The following LRPPRC variants were observed in gnomAD, a reference collection of about 807,000 sequenced individuals.
The protein encoded by LRPPRC is leucine-rich PPR motif-containing protein, mitochondrial.
Under a neutral mutation model 180.3 loss-of-function variants are expected in LRPPRC, and 120 were observed. The observed-to-expected ratio is 0.67, with a 90% CI of 0.57 to 0.77. The LOEUF (loss-of-function observed/expected upper bound fraction) is 0.77, where lower values mean the gene tolerates loss of function less well. LRPPRC is among the 30% of genes least tolerant of loss of function. LRPPRC has a pLI of 0.00. For missense variants in LRPPRC, 2,012 were observed against 1,657.2 expected, an observed-to-expected ratio of 1.21 and a Z score of -3.72; for synonymous variants, 723 against 600.0, an observed-to-expected ratio of 1.21 and a Z score of -3.00.
Position 43,889,796 on chromosome 2 carries a change from G to T in LRPPRC, c.4066C>A (p.Leu1356Ile), listed in dbSNP as rs775360011. ...AKNTKLDDLF[L>I]KRYASLLKYA... is the part of the protein sequence containing the mutation. ...TTCAGCAAAGATGCGTAACGCTTTA[G>T]AAACAGATCATCCAATTTTGTATTC... Residue 1356 changes from leucine (L) to isoleucine (I), a missense_variant, in exon 37 of 38, where the codon CTA becomes ATA. Leu to Ile is a conservative substitution (Grantham distance 5). Coordinates refer to ENST00000260665, the MANE Select transcript of LRPPRC (RefSeq NM_133259.4). 1 of 1,611,266 alleles carries T rather than the reference G, an allele frequency of 6.2e-7. No individual in the cohort carries two copies.
At position 43,973,681 on chromosome 2, in the gene LRPPRC, T is replaced by C. The variant is rs144732922; in HGVS notation, c.1295A>G (p.Glu432Gly). 1.9e-4 allele frequency: 309 copies of C among 1,613,978 alleles called. No individual in the cohort carries two copies. The African/African-American group carries it at 2.6e-3, about 14-fold the overall frequency. Residue 432 changes from glutamate (E) to glycine (G), a missense_variant, in exon 11 of 38, where the codon GAG becomes GGG. Coordinates refer to ENST00000260665, the MANE Select transcript of LRPPRC (RefSeq NM_133259.4). Reference sequence around the variant, plus strand: ...GTGAGGTCTGATAGGAAAACCTTCCTCCTTCACAGCCTTCATTAAGGCTTT... The same window carrying C: ...GTGAGGTCTGATAGGAAAACCTTCCCCCTTCACAGCCTTCATTAAGGCTTT... ...LAKALMKAVK[E>G]EGFPIRPHYF...
intron 2 of LRPPRC, among the ~76,000 whole-genome samples, chr2:43,980,174 T>C (rs946503274): frequency 1.2e-4 from 19 of 152,208 alleles, no homozygotes; most frequent in African/African-American, 3.6e-4. Flanking sequence ...ATAAAATCTA[T>C]GTAATCTGCA....
chr2:43,890,637 C>T (rs1265163868), intron 36 of LRPPRC, among the ~76,000 whole-genome samples: 9 of 152,130 alleles, frequency 5.9e-5, no homozygotes, highest in African/African-American at 1.7e-4. Context: ...GGTGTGAACC[C>T]GGGAGGTGGA....
In LRPPRC at chr2:43,995,933, C is replaced by T. The variant is rs1015613805; in HGVS notation, c.15G>A (p.Leu5=). 1.2e-5 allele frequency: 19 copies of T among 1,525,030 alleles called. No individual in the cohort carries two copies. The African/African-American group carries it at 2.1e-4, about 17-fold the overall frequency. 94.5% of individuals were successfully genotyped at this position (1,525,030 alleles called of 1,614,324 possible). ...CACGCAGCAACCAACGCGCGGATCTCAGCAGGGCTGCCATTGCTCGAACGT... is the reference window on the plus strand; with the variant it reads ...CACGCAGCAACCAACGCGCGGATCTTAGCAGGGCTGCCATTGCTCGAACGT... MAAL[L]RSARWLLRAG... is the part of the protein sequence containing the mutation. Residue 5 remains leucine (L), a synonymous_variant, in exon 1 of 38, where the codon CTG becomes CTA. Transcript: ENST00000260665.
At chr2:43,971,712 A>G (rs561256864) in intron 11 of LRPPRC, among the ~76,000 whole-genome samples, 4 of 151,920 alleles carry the variant, frequency 2.6e-5, no homozygotes, top group Non-Finnish European at 5.9e-5. Context: ...CGTGACTTTC[A>G]CTGGACAAAG....
chr2:43,904,116 A>AT (rs759846340), intron 31 of LRPPRC, among the ~76,000 whole-genome samples: 5 of 151,946 alleles, frequency 3.3e-5, no homozygotes, highest in African/African-American at 1.2e-4. Flanking sequence ...CTATTTAAAA[A>AT]TTTTTTGTAG....
intron 27 of LRPPRC, among the ~76,000 whole-genome samples, chr2:43,918,866 TAGATAG>T (rs1334588933): frequency 6.7e-6 from 1 of 149,126 alleles, no homozygotes; most frequent in African/African-American, 2.4e-5. Flanking sequence ...TATATAGATA[TAGATAG>T]ATAGATATAT....
intron 29 of LRPPRC, among the ~76,000 whole-genome samples, chr2:43,915,198 A>ACACTCTCTCTCTCTCT (rs1671406280): frequency 1.6e-5 from 1 of 63,390 alleles, no homozygotes; most frequent in Admixed American, 1.8e-4. Flanking sequence ...ACAGAACAAG[A>ACACTCTCTCTCTCTCT]CTCTCTCTCT....
intron 34 of LRPPRC, among the ~76,000 whole-genome samples, 170 bp from the exon 35 acceptor site, chr2:43,896,878 C>CACCA (rs1670705935): frequency 6.6e-6 from 1 of 152,078 alleles, no homozygotes; most frequent in Admixed American, 6.5e-5. Context: ...AAAACAAGTG[C>CACCA]AAGCTATGCC....
rs140508221 is a variant in LRPPRC at position 43,971,098 on chromosome 2, CAAAA to C, written c.1369+2505_1369+2508del. ...CTAGACAACAAGAGCGAAACTGTGT[CAAAA>C]AAAAAAAAAAAGCAAGTTCCTTCTA... is the stretch of plus-strand genomic sequence containing the variant. On this transcript the variant is annotated intron_variant, in intron 11 of 37. Coordinates refer to ENST00000260665, the MANE Select transcript of LRPPRC (RefSeq NM_133259.4). 8.7e-5 allele frequency among the ~76,000 whole-genome samples: 11 copies of C among 126,248 alleles called. No individual in the cohort carries two copies. The South Asian group carries it at 2.7e-3, about 31-fold the overall frequency. 82.8% of individuals were successfully genotyped at this position (126,248 alleles called of 152,430 possible). A position where few individuals can be genotyped will look rare whatever the true frequency, so the allele number is the denominator to read the frequency against.
intron 30 of LRPPRC, among the ~76,000 whole-genome samples, chr2:43,910,122 A>T (rs1304504209): frequency 2.6e-5 from 4 of 152,144 alleles, no homozygotes; most frequent in Non-Finnish European, 5.9e-5. Context: ...GTCATGACCC[A>T]CTAATTGGCT....
chr2:43,909,889 A>C (rs964702663), intron 30 of LRPPRC, among the ~76,000 whole-genome samples: 3 of 152,158 alleles, frequency 2.0e-5, no homozygotes, highest in African/African-American at 7.2e-5. Context: ...CATGCTTACA[A>C]CTATCTTCCA....
chr2:43,941,375 T>G (rs1233487592), intron 23 of LRPPRC, among the ~76,000 whole-genome samples: 2 of 152,192 alleles, frequency 1.3e-5, no homozygotes, highest in African/African-American at 4.8e-5. Context: ...GATGCCTGCC[T>G]TTGAATGAAA....
chr2:43,980,459 A>T (rs1366020218), intron 2 of LRPPRC, among the ~76,000 whole-genome samples: 1 of 151,356 alleles, frequency 6.6e-6, no homozygotes, highest in African/African-American at 2.4e-5. Context: ...AGGCTGAGGC[A>T]GGAGAACTGC....
chr2:43,950,530 A>C, intron 15 of LRPPRC, 43 bp downstream of exon 15: 1 of 1,550,014 alleles, frequency 6.5e-7, no homozygotes, highest in East Asian at 2.2e-5. Flanking sequence ...TTGGCTTGTA[A>C]CGTTAAAAGC....
intron 27 of LRPPRC, among the ~76,000 whole-genome samples, chr2:43,923,309 T>C (rs1671762854): frequency 6.6e-6 from 1 of 150,826 alleles, no homozygotes; most frequent in South Asian, 2.1e-4. Context: ...TGGGACCCCG[T>C]CTCCACAAAA....
At chr2:43,913,921 G>C (rs894555491) in intron 29 of LRPPRC, among the ~76,000 whole-genome samples, 3 of 152,102 alleles carry the variant, frequency 2.0e-5, no homozygotes, top group African/African-American at 7.2e-5. Flanking sequence ...TCTGAAACGG[G>C]AGAAAATAAA....
rs780147197 is a variant in LRPPRC at position 43,943,673 on chromosome 2, T to C, written c.2504+14A>G. ...TAATGCCAACATTTAAAATTCAAAA[T>C]TCAATTAACTTACTTTTCCAAGTGT... is the stretch of plus-strand genomic sequence containing the variant. On this transcript the variant is annotated intron_variant, in intron 23 of 37. Transcript: ENST00000260665. The C allele has an allele frequency of 1.9e-6, 3 of 1,602,750 alleles. No homozygotes were observed. The highest frequency in any genetic ancestry group is 3.3e-5 in the Admixed American group (2 of 59,970).
At position 43,894,526 on chromosome 2, in the gene LRPPRC, CAAATT is replaced by C. The variant is rs781110277; in HGVS notation, c.3985+14_3985+18del. The C allele has an allele frequency of 1.1e-5, 13 of 1,153,582 alleles. No individual in the cohort carries two copies. The highest frequency in any genetic ancestry group is 2.1e-4 in the Middle Eastern group (1 of 4,838). The allele number at this position is 1,153,582 out of a possible 1,614,324, so 71.5% of individuals were successfully genotyped here. On this transcript the variant is annotated intron_variant, in intron 36 of 37. Transcript: ENST00000260665. Reference sequence around the variant, plus strand: ...AAGCCATTTAAATAAATAATATAGTCAAATTAAACTTATATTACCATAGCTTTTCA... The same window carrying C: ...AAGCCATTTAAATAAATAATATAGTCAAACTTATATTACCATAGCTTTTCA...
Sources: allele counts gnomAD v4.1 joint callset (sites outside exome capture counted in the v4.1 genomes callset), GRCh38; gene constraint gnomAD v4.1.1; transcripts MANE v1.5; gene names NCBI Gene and HGNC (gene_info 2026-07-23, HGNC 2026-07-21).